The following DMD variants were observed in gnomAD, a reference collection of about 807,000 sequenced individuals.
DMD encodes mutant dystrophin.
Under a neutral mutation model 330.1 loss-of-function variants are expected in DMD, and 63 were observed. That is an observed-to-expected ratio of 0.19 (90% CI 0.16 to 0.24). DMD has a LOEUF of 0.24. DMD is among the 10% of genes least tolerant of loss of function. The probability of loss-of-function intolerance (pLI) is 1.00; values close to 1 mark genes in which losing one functional copy is unlikely to be tolerated. For missense variants in DMD, 3,344 were observed against 2,684.1 expected (o/e 1.25, Z -5.43); for synonymous variants, 1,223 against 959.8 (o/e 1.27, Z -5.07).
intron 1 of DMD, among the ~76,000 whole-genome samples, chrX:33,285,512 C>G (rs747283313): frequency 2.7e-5 from 3 of 111,839 alleles, no homozygotes; most frequent in South Asian, 3.7e-4. Flanking sequence ...TTCTTTCTGT[C>G]AAAATAATGT....
chrX:31,247,024 T>C (rs184755260), intron 63 of DMD, among the ~76,000 whole-genome samples: 72 of 111,691 alleles, frequency 6.4e-4, no homozygotes, highest in African/African-American at 2.2e-3. Context: ...GTTTACGGCA[T>C]GGTTTACTGA....
chrX:31,443,918 G>T (rs2065108961), intron 60 of DMD, among the ~76,000 whole-genome samples: 1 of 111,588 alleles, frequency 9.0e-6, no homozygotes, highest in South Asian at 3.8e-4. Context: ...TAACTCGCGT[G>T]TTGAAATCTG....
In DMD at chrX:32,356,379, T is replaced by TAA. The variant is rs71888370; in HGVS notation, c.5325+6407_5325+6408dup. Reference sequence around the variant, plus strand: ...TATATCTTCTGACACTGAATGGAAGTAAAAAAAAAAAAAAAAAAAAAAAAA... The same window carrying TAA: ...TATATCTTCTGACACTGAATGGAAGTAAAAAAAAAAAAAAAAAAAAAAAAAAA... On this transcript the variant is annotated intron_variant, in intron 37 of 78. Transcript: ENST00000357033. 7.4e-3 allele frequency among the ~76,000 whole-genome samples: 388 copies of TAA among 52,708 alleles called. 6 individuals carry two copies. Among genetic ancestry groups the TAA allele is most frequent in the African/African-American group, 0.011 (172 of 15,449 alleles). The allele number at this position is 52,708 out of a possible 115,157, so 45.8% of individuals were successfully genotyped here. A position where few individuals can be genotyped will look rare whatever the true frequency, so the allele number is the denominator to read the frequency against.
chrX:32,796,079 T>C (rs1256459038), intron 7 of DMD, among the ~76,000 whole-genome samples: 1 of 105,489 alleles, frequency 9.5e-6, no homozygotes, highest in Non-Finnish European at 2.0e-5. Context: ...AACATAGAAA[T>C]AGAGTATGTG....
chrX:32,262,010 T>C (rs1314526108), intron 43 of DMD, among the ~76,000 whole-genome samples: 2 of 111,935 alleles, frequency 1.8e-5, no homozygotes, highest in Non-Finnish European at 3.8e-5. Context: ...TAGTGGAAGG[T>C]GAGCTTATAA....
chrX:32,266,709 C>T (rs1434177716), intron 43 of DMD, among the ~76,000 whole-genome samples: 1 of 111,802 alleles, frequency 8.9e-6, no homozygotes, highest in Non-Finnish European at 1.9e-5. Flanking sequence ...TAATGGCAGC[C>T]TTCATATAAG....
chrX:31,927,334 G>C (rs374141490), intron 47 of DMD, among the ~76,000 whole-genome samples: 10 of 111,968 alleles, frequency 8.9e-5, no homozygotes, highest in African/African-American at 9.7e-5. Flanking sequence ...TTTTTATTCT[G>C]TTGCAGGACA....
chrX:32,451,535 G>T (rs1359647515), intron 26 of DMD, among the ~76,000 whole-genome samples: 3 of 110,484 alleles, frequency 2.7e-5, no homozygotes, highest in Non-Finnish European at 3.8e-5. Flanking sequence ...ACTGTACCCT[G>T]GGTTCTTTTA....
chrX:32,699,506 T>G, intron 7 of DMD, among the ~76,000 whole-genome samples: 1 of 112,143 alleles, frequency 8.9e-6, no homozygotes, highest in Non-Finnish European at 1.9e-5. Flanking sequence ...AAAGTTAATT[T>G]ATTTTCCTTG....
intron 60 of DMD, among the ~76,000 whole-genome samples, chrX:31,433,134 T>C (rs928444046): frequency 3.8e-4 from 43 of 112,324 alleles, no homozygotes; most frequent in African/African-American, 1.3e-3. Context: ...TGCTTATAAG[T>C]GAGCACATGC....
chrX:32,134,452 C>T (rs1195056534), intron 44 of DMD, among the ~76,000 whole-genome samples: 2 of 110,970 alleles, frequency 1.8e-5, no homozygotes, highest in Non-Finnish European at 3.8e-5. Context: ...TTCTCATTCT[C>T]ATGTAGAATG....
rs375548593 is a variant in DMD, at chrX:32,490,180, C to G, written c.2622+1097G>C. On this transcript the variant is annotated intron_variant, in intron 20 of 78. Transcript: ENST00000357033. Reference sequence around the variant, plus strand: ...TTAAGCCATTCTTTTTTACAGTATGCAAATGAATCTCCACTCCTTGCCTTT... The same window carrying G: ...TTAAGCCATTCTTTTTTACAGTATGGAAATGAATCTCCACTCCTTGCCTTT... Among the ~76,000 whole-genome samples, 18 of 111,474 alleles carry G rather than the reference C, an allele frequency of 1.6e-4. 1 individual carries two copies. The highest frequency in any genetic ancestry group is 1.1e-3 in the East Asian group (4 of 3,532).
chrX:31,228,131 A>G (rs1369529070), intron 63 of DMD, among the ~76,000 whole-genome samples: 183 of 107,474 alleles, frequency 1.7e-3, no homozygotes, highest in Non-Finnish European at 2.9e-3. Flanking sequence ...TGGGGGGGAT[A>G]GCACTGGGTG....
At chrX:32,679,507 T>G in intron 9 of DMD, among the ~76,000 whole-genome samples, 1 of 111,290 alleles carries the variant, frequency 9.0e-6, no homozygotes, top group Non-Finnish European at 1.9e-5. Flanking sequence ...AAATTTTATG[T>G]CCGAAAGTTC....
At chrX:33,082,647 C>T (rs1036505267) in intron 1 of DMD, among the ~76,000 whole-genome samples, 3 of 112,301 alleles carry the variant, frequency 2.7e-5, no homozygotes, top group Non-Finnish European at 5.6e-5. Context: ...CTTTTAACTG[C>T]TCAAGAAAAA....
intron 2 of DMD, among the ~76,000 whole-genome samples, chrX:32,906,151 T>G (rs1389677391): frequency 8.9e-6 from 1 of 111,754 alleles, no homozygotes. Context: ...GGCAGGTGAT[T>G]GGATCACGGT....
intron 44 of DMD, among the ~76,000 whole-genome samples, chrX:32,090,691 A>G (rs10521985): frequency 0.053 from 5,940 of 111,528 alleles, 402 homozygotes; most frequent in African/African-American, 0.18. Context: ...TCAGGTATCC[A>G]GTTTCTGAAA....
At chrX:32,063,187 AACACAC>A (rs113943502) in intron 44 of DMD, among the ~76,000 whole-genome samples, 154 of 100,773 alleles carry the variant, frequency 1.5e-3, no homozygotes, top group African/African-American at 5.3e-3. Context: ...AAGTATGTCT[AACACAC>A]ACACACACAC....
At chrX:33,133,785 GT>G (rs1486528370) in intron 1 of DMD, among the ~76,000 whole-genome samples, 2 of 111,963 alleles carry the variant, frequency 1.8e-5, no homozygotes, top group Non-Finnish European at 3.8e-5. Flanking sequence ...TCTCATCACT[GT>G]GGTGTGTGTC....
Sources: allele counts gnomAD v4.1 joint callset (sites outside exome capture counted in the v4.1 genomes callset), GRCh38; gene constraint gnomAD v4.1.1; transcripts MANE v1.5; gene names NCBI Gene and HGNC (gene_info 2026-07-23, HGNC 2026-07-21).